Variants in SLC30A9 observed in about 807,000 individuals in gnomAD.
SLC30A9 encodes the protein proton-coupled zinc antiporter SLC30A9, mitochondrial.
Under a neutral mutation model 87.5 loss-of-function variants are expected in SLC30A9, and 58 were observed. The ratio of observed to expected loss-of-function variants is 0.66; its 90% CI spans 0.54 to 0.82. SLC30A9 has a LOEUF of 0.82. SLC30A9 is among the 40% of genes least tolerant of loss of function. The pLI, the probability that SLC30A9 is intolerant of heterozygous loss-of-function variation, is 0.00. For synonymous variants in SLC30A9, 234 were observed against 233.0 expected, an observed-to-expected ratio of 1.00 and a Z score of -0.04; for missense variants, 557 against 679.1, an observed-to-expected ratio of 0.82 and a Z score of 2.00.
At chr4:42,062,884 C>A in intron 10 of SLC30A9, 102 bp from the exon 11 acceptor site, 1 of 944,086 alleles carries the variant, frequency 1.1e-6, no homozygotes. Context: ...AAAATTATAA[C>A]ATCTTGATAT....
chr4:42,068,521 A>G (rs1263073114), intron 14 of SLC30A9, among the ~76,000 whole-genome samples: 1 of 152,206 alleles, frequency 6.6e-6, no homozygotes, highest in African/African-American at 2.4e-5. Context: ...CTGGGATTAC[A>G]GGCATGAGCC....
intron 17 of SLC30A9, among the ~76,000 whole-genome samples, chr4:42,084,722 C>T (rs1339321711): frequency 3.3e-5 from 5 of 152,170 alleles, no homozygotes; most frequent in Non-Finnish European, 5.9e-5. Flanking sequence ...CCGCCCGCCT[C>T]GGCCTCCCAG....
intron 8 of SLC30A9, among the ~76,000 whole-genome samples, chr4:42,046,840 A>C (rs1717178751): frequency 2.0e-5 from 3 of 152,206 alleles, no homozygotes; most frequent in African/African-American, 7.2e-5. Context: ...ACTATACTAC[A>C]AGGCTGCGGT....
chr4:41,990,534 AGCTTGTGGCG>A lies in SLC30A9; in HGVS notation c.-115_-106del, dbSNP rs1406641362. The A allele has an allele frequency of 1.7e-5, 10 of 589,684 alleles. No homozygotes were observed. Among genetic ancestry groups the A allele is most frequent in the Non-Finnish European group, 2.6e-5 (9 of 341,812 alleles). 36.5% of individuals were successfully genotyped at this position (589,684 alleles called of 1,614,324 possible). Reference sequence around the variant, plus strand: ...GTTGCCGTTTCCGGGTCACCCAGGCAGCTTGTGGCGGCGAAGCCATCGGTGTTCGCTGATG... The same window carrying A: ...GTTGCCGTTTCCGGGTCACCCAGGCAGCGAAGCCATCGGTGTTCGCTGATG... On this transcript the variant is annotated 5_prime_UTR_variant, in exon 1 of 18. Transcript: ENST00000264451.
At chr4:42,046,396 A>G (rs1717153668) in intron 8 of SLC30A9, among the ~76,000 whole-genome samples, 1 of 152,240 alleles carries the variant, frequency 6.6e-6, no homozygotes, top group Admixed American at 6.5e-5. Context: ...GTCTCAGGAT[A>G]CAAAATCAAT....
At chr4:42,040,248 G>A (rs1245792221) in intron 8 of SLC30A9, among the ~76,000 whole-genome samples, 1 of 152,102 alleles carries the variant, frequency 6.6e-6, no homozygotes, top group African/African-American at 2.4e-5. Flanking sequence ...AAGTCAACAG[G>A]GTTCTTTCCA....
chr4:42,021,951 C>T lies in SLC30A9; in HGVS notation c.435-887C>T, dbSNP rs1208552168. Among the ~76,000 whole-genome samples the T allele has an allele frequency of 3.4e-4, 5 of 14,658 alleles. 1 individual carries two copies. The highest frequency in any genetic ancestry group is 3.8e-4 in the Non-Finnish European group (1 of 2,634). The allele number at this position is 14,658 out of a possible 152,430, so 9.6% of individuals were successfully genotyped here. A position where few individuals can be genotyped will look rare whatever the true frequency, so the allele number is the denominator to read the frequency against. On this transcript the variant is annotated intron_variant, in intron 4 of 17. Transcript: ENST00000264451. ...TTTTTTTTTTTTTTTTTTTTTGAGA[C>T]GGAGTCTCGCTCTGTTGCCCAGGCC...
At chr4:42,053,610 AC>A (rs1382983885) in intron 9 of SLC30A9, among the ~76,000 whole-genome samples, 1 of 140,334 alleles carries the variant, frequency 7.1e-6, no homozygotes, top group Non-Finnish European at 1.5e-5. Flanking sequence ...AATCGCTTGA[AC>A]CCGGGAGGCG....
intron 2 of SLC30A9, among the ~76,000 whole-genome samples, chr4:42,016,534 T>C (rs1715726759): frequency 1.3e-5 from 2 of 152,202 alleles, no homozygotes; most frequent in South Asian, 4.1e-4. Flanking sequence ...TGATAGCTTA[T>C]TGTATATATT....
intron 10 of SLC30A9, among the ~76,000 whole-genome samples, chr4:42,061,464 A>G (rs138960755): frequency 3.9e-5 from 6 of 152,318 alleles, no homozygotes; most frequent in East Asian, 1.9e-4. Flanking sequence ...TTTAACGTGA[A>G]TATATATTCA....
chr4:42,086,217 CT>C lies in SLC30A9; in HGVS notation c.*92del. On this transcript the variant is annotated 3_prime_UTR_variant, in exon 18 of 18. Transcript: ENST00000264451. ...TTTCCTCCTCTCCTACACTGAAAGA[CT>C]CAGTGCCATGCAGAAGCCTTTTTTT... 1 of 702,474 alleles carries C rather than the reference CT, an allele frequency of 1.4e-6. No homozygotes were observed. The highest frequency in any genetic ancestry group is 2.6e-5 in the Admixed American group (1 of 38,398). 43.5% of individuals were successfully genotyped at this position (702,474 alleles called of 1,614,324 possible).
At chr4:42,023,666 T>C (rs1206650403) in intron 6 of SLC30A9, among the ~76,000 whole-genome samples, 1 of 152,230 alleles carries the variant, frequency 6.6e-6, no homozygotes, top group Admixed American at 6.5e-5. Flanking sequence ...TTAAAGATTA[T>C]ACTTGTTATA....
intron 1 of SLC30A9, among the ~76,000 whole-genome samples, chr4:41,994,827 CAAAA>C (rs539190933): frequency 1.3e-4 from 12 of 94,768 alleles, no homozygotes; most frequent in Non-Finnish European, 2.0e-4. Flanking sequence ...GATGTGGTCT[CAAAA>C]AAAAAAAAAA....
Position 42,035,338 on chromosome 4 carries a change from G to T in SLC30A9, c.669+5G>T. On this transcript the variant is annotated splice_donor_5th_base_variant and intron_variant, in intron 7 of 17. Transcript: ENST00000264451. ...GATTTCTTGGGAAATACCAAGGTAT[G>T]GATATCTTTGTAATAATGTGTGTGT... is the stretch of plus-strand genomic sequence containing the variant. 1.2e-6 allele frequency: 2 copies of T among 1,602,394 alleles called. No homozygotes were observed. The highest frequency in any genetic ancestry group is 2.2e-5 in the South Asian group (2 of 90,760).
At chr4:42,032,056 G>A (rs1275158233) in intron 6 of SLC30A9, among the ~76,000 whole-genome samples, 1 of 152,186 alleles carries the variant, frequency 6.6e-6, no homozygotes, top group Non-Finnish European at 1.5e-5. Flanking sequence ...GATGGAACAG[G>A]TATCTTACAT....
intron 7 of SLC30A9, among the ~76,000 whole-genome samples, chr4:42,038,547 A>T (rs967190600): frequency 5.3e-5 from 8 of 152,210 alleles, no homozygotes; most frequent in African/African-American, 1.9e-4. Context: ...GTCAGAGTTT[A>T]TGGCTTACAA....
Position 42,075,717 on chromosome 4 carries a change from A to G in SLC30A9, c.1479A>G (p.Glu493=). 5 of 1,613,658 alleles carry G rather than the reference A, an allele frequency of 3.1e-6. No individual in the cohort carries two copies. The highest frequency in any genetic ancestry group is 3.4e-6 in the Non-Finnish European group (4 of 1,179,692). The change falls in exon 16 of 18, where the codon GAA becomes GAG. Residue 493 remains glutamate, a synonymous_variant. Coordinates refer to ENST00000264451, the MANE Select transcript of SLC30A9 (RefSeq NM_006345.4). The part of the protein sequence containing the change: ...LGLGKVRFKA[E]VDFDGRVVTR... ...TAGGTAAAGTAAGATTTAAGGCAGAAGTAGATTTTGATGGGCGAGTTGTTA... is the reference window on the plus strand; with the variant it reads ...TAGGTAAAGTAAGATTTAAGGCAGAGGTAGATTTTGATGGGCGAGTTGTTA...
chr4:42,050,387 T>C (rs1317537012), intron 9 of SLC30A9, among the ~76,000 whole-genome samples: 2 of 152,212 alleles, frequency 1.3e-5, no homozygotes, highest in Admixed American at 1.3e-4. Flanking sequence ...TAGGGAGAGA[T>C]ATATAACTTA....
chr4:42,010,971 T>C (rs1191842384), intron 2 of SLC30A9, among the ~76,000 whole-genome samples: 2 of 152,080 alleles, frequency 1.3e-5, no homozygotes, highest in Non-Finnish European at 2.9e-5. Flanking sequence ...TTTGAACTTA[T>C]CCACCCACCC....
Sources: gnomAD v4.1 joint callset for allele counts (sites outside exome capture counted in the v4.1 genomes callset) on GRCh38, gnomAD v4.1.1 for gene constraint, MANE v1.5 for transcripts, NCBI Gene and HGNC (gene_info 2026-07-23, HGNC 2026-07-21) for gene names.